The following MEIS1 variants were observed in gnomAD, a reference collection of about 807,000 sequenced individuals.
MEIS1 encodes homeobox protein Meis1.
A neutral mutation model predicts 50.8 loss-of-function variants in MEIS1; 5 were observed. The observed-to-expected ratio is 0.10, with a 90% CI of 0.05 to 0.21. MEIS1 has a LOEUF of 0.21. Ranked by LOEUF, MEIS1 falls within the 10% of genes least tolerant of loss-of-function variation. The pLI is 1.00. For missense variants in MEIS1, 318 were observed against 517.3 expected (o/e 0.61, Z 3.74); for synonymous variants, 176 against 179.3 (o/e 0.98, Z 0.15).
At chr2:66,439,179 G>A (rs1426341351) in intron 2 of MEIS1, 1 of 642,156 alleles carries the variant, frequency 1.6e-6, no homozygotes, top group Non-Finnish European at 1.9e-6. Flanking sequence ...AAAATGAAAG[G>A]CTCTACTGCA....
chr2:66,528,683 C>T (rs542488680), intron 8 of MEIS1, among the ~76,000 whole-genome samples: 89 of 152,320 alleles, frequency 5.8e-4, no homozygotes, highest in African/African-American at 2.0e-3. Context: ...CAGCTTTCTC[C>T]GTTCGTTCCC....
chr2:66,544,377 C>G (rs1674736413), intron 8 of MEIS1, among the ~76,000 whole-genome samples: 1 of 152,114 alleles, frequency 6.6e-6, no homozygotes, highest in African/African-American at 2.4e-5. Flanking sequence ...TAAAAGCCTA[C>G]TTCTTTGTGA....
At chr2:66,563,833 A>G (rs1405854502) in intron 9 of MEIS1, among the ~76,000 whole-genome samples, 2 of 152,216 alleles carry the variant, frequency 1.3e-5, no homozygotes, top group African/African-American at 4.8e-5. Context: ...TGTGTGTAGC[A>G]TAATTCCAAA....
chr2:66,467,752 T>G (rs557421855), intron 7 of MEIS1, among the ~76,000 whole-genome samples: 2 of 152,314 alleles, frequency 1.3e-5, no homozygotes, highest in African/African-American at 4.8e-5. Context: ...TTATTTATCA[T>G]GATGACCCTT....
chr2:66,492,913 C>T (rs949629572), intron 7 of MEIS1, among the ~76,000 whole-genome samples: 32 of 152,190 alleles, frequency 2.1e-4, no homozygotes, highest in African/African-American at 7.7e-4. Flanking sequence ...CCTGTTACTG[C>T]ACCCTTACTC....
intron 7 of MEIS1, among the ~76,000 whole-genome samples, chr2:66,465,600 T>C (rs1462922138): frequency 1.3e-5 from 2 of 152,230 alleles, no homozygotes; most frequent in Admixed American, 1.3e-4. Context: ...AAATTCTTTT[T>C]CCTGTAGCCC....
At chr2:66,549,103 A>T (rs1674857284) in intron 9 of MEIS1, among the ~76,000 whole-genome samples, 1 of 152,130 alleles carries the variant, frequency 6.6e-6, no homozygotes, top group Non-Finnish European at 1.5e-5. Context: ...GATATATTAA[A>T]CCCCATTACA....
chr2:66,448,606 T>C (rs1444420177), intron 6 of MEIS1, among the ~76,000 whole-genome samples: 1 of 152,186 alleles, frequency 6.6e-6, no homozygotes, highest in East Asian at 1.9e-4. Context: ...ATTGGTAATG[T>C]TATGCTTTCC....
At chr2:66,495,710 A>T (rs576688244) in intron 7 of MEIS1, among the ~76,000 whole-genome samples, 1 of 152,320 alleles carries the variant, frequency 6.6e-6, no homozygotes, top group South Asian at 2.1e-4. Context: ...CTAGAACCTC[A>T]GCAACACAGA....
At chr2:66,538,234 A>G (rs897361165) in intron 8 of MEIS1, among the ~76,000 whole-genome samples, 2 of 152,224 alleles carry the variant, frequency 1.3e-5, no homozygotes, top group African/African-American at 4.8e-5. Flanking sequence ...TGTGCAATTG[A>G]CTACTTAGAG....
At chr2:66,536,566 T>C (rs1183102381) in intron 8 of MEIS1, among the ~76,000 whole-genome samples, 1 of 152,240 alleles carries the variant, frequency 6.6e-6, no homozygotes, top group African/African-American at 2.4e-5. Context: ...AATACTGATT[T>C]TTTTTTCTTA....
chr2:66,458,365 C>T (rs1672443081), intron 6 of MEIS1, among the ~76,000 whole-genome samples: 3 of 152,032 alleles, frequency 2.0e-5, no homozygotes, highest in Admixed American at 2.0e-4. Context: ...GTTTGCATTC[C>T]CTGAGCACAC....
chr2:66,569,422 T>A, intron 12 of MEIS1: 1 of 218,784 alleles, frequency 4.6e-6, no homozygotes, highest in Non-Finnish European at 9.0e-6. Flanking sequence ...TGGGTTGTCA[T>A]AGCAACAGAC....
chr2:66,487,995 C>G (rs568991437), intron 7 of MEIS1, among the ~76,000 whole-genome samples: 9 of 152,228 alleles, frequency 5.9e-5, no homozygotes, highest in East Asian at 5.8e-4. Context: ...ACCTTAATAC[C>G]CGAGTTTCCT....
At chr2:66,518,609 T>C (rs1279247271) in intron 8 of MEIS1, among the ~76,000 whole-genome samples, 11 of 152,168 alleles carry the variant, frequency 7.2e-5, no homozygotes, top group East Asian at 3.9e-4. Context: ...TTTTAATTAG[T>C]GATGATATAT....
At chr2:66,528,006 T>A (rs1674299281) in intron 8 of MEIS1, among the ~76,000 whole-genome samples, 1 of 152,118 alleles carries the variant, frequency 6.6e-6, no homozygotes, top group South Asian at 2.1e-4. Flanking sequence ...TATAGAAAGC[T>A]GGAGTGAACA....
At position 66,567,311 on chromosome 2, in the gene MEIS1, A is replaced by G. The variant is rs556889118; in HGVS notation, c.966-142A>G. On this transcript the variant is annotated intron_variant, in intron 9 of 12. Coordinates refer to ENST00000272369, the MANE Select transcript of MEIS1 (RefSeq NM_002398.3). Reference sequence around the variant, plus strand: ...CAGGTTTTCCAGCACGTGAGGCTGCACATAGAGCAATGGAGAGAACTGAAG... The same window carrying G: ...CAGGTTTTCCAGCACGTGAGGCTGCGCATAGAGCAATGGAGAGAACTGAAG... The G allele has an allele frequency of 2.6e-5, 21 of 822,262 alleles. No individual in the cohort carries two copies. The African/African-American group carries it at 3.2e-4, about 13-fold the overall frequency. 50.9% of individuals were successfully genotyped at this position (822,262 alleles called of 1,614,324 possible).
chr2:66,478,867 C>A (rs1000832405), intron 7 of MEIS1, among the ~76,000 whole-genome samples: 40 of 152,290 alleles, frequency 2.6e-4, no homozygotes, highest in African/African-American at 9.6e-4. Context: ...AAAGCCTTTT[C>A]TTTGGATGGT....
At chr2:66,470,078 C>G (rs753487947) in intron 7 of MEIS1, among the ~76,000 whole-genome samples, 1 of 152,118 alleles carries the variant, frequency 6.6e-6, no homozygotes, top group Non-Finnish European at 1.5e-5. Context: ...CTTGAATGAT[C>G]TCTATTTGTT....
Sources: allele counts gnomAD v4.1 joint callset (sites outside exome capture counted in the v4.1 genomes callset), GRCh38; gene constraint gnomAD v4.1.1; transcripts MANE v1.5; gene names NCBI Gene and HGNC (gene_info 2026-07-23, HGNC 2026-07-21).